The following ERBB4 variants were observed in gnomAD, a reference collection of about 807,000 sequenced individuals.
The protein encoded by ERBB4 is erb-b2 receptor tyrosine kinase 4.
ERBB4 carries 42 observed loss-of-function variants against 158.0 expected under a neutral mutation model. The ratio of observed to expected loss-of-function variants is 0.27; its 90% CI spans 0.21 to 0.34. ERBB4 has a LOEUF of 0.34. Ranked by LOEUF, ERBB4 falls within the 10% of genes least tolerant of loss-of-function variation. ERBB4 has a pLI of 1.00. For synonymous variants in ERBB4, 583 were observed against 558.7 expected, an observed-to-expected ratio of 1.04 and a Z score of -0.61; for missense variants, 1,333 against 1,624.1, an observed-to-expected ratio of 0.82 and a Z score of 3.08.
chr2:211,483,991 G>T (rs1464797560), intron 20 of ERBB4, among the ~76,000 whole-genome samples: 1 of 152,114 alleles, frequency 6.6e-6, no homozygotes, highest in Non-Finnish European at 1.5e-5. Flanking sequence ...CAAAGATAAA[G>T]GAAAGACTTT....
At chr2:211,453,128 C>T (rs752739229) in intron 20 of ERBB4, among the ~76,000 whole-genome samples, 26 of 152,102 alleles carry the variant, frequency 1.7e-4, no homozygotes, top group African/African-American at 4.3e-4. Flanking sequence ...GTTATATGTG[C>T]GTTTCATTCA....
At chr2:212,328,558 A>G (rs2087974140) in intron 1 of ERBB4, among the ~76,000 whole-genome samples, 1 of 152,044 alleles carries the variant, frequency 6.6e-6, no homozygotes, top group South Asian at 2.1e-4. Context: ...ATAGTTTATT[A>G]TAATAATCAC....
intron 1 of ERBB4, among the ~76,000 whole-genome samples, chr2:212,451,955 G>T (rs1032812392): frequency 1.3e-5 from 2 of 151,758 alleles, no homozygotes; most frequent in Non-Finnish European, 2.9e-5. Context: ...TAGAACAACA[G>T]AAGGATTGTC....
chr2:211,402,393 C>T (rs1351241290), intron 25 of ERBB4, among the ~76,000 whole-genome samples: 1 of 151,988 alleles, frequency 6.6e-6, no homozygotes, highest in Non-Finnish European at 1.5e-5. Context: ...TTTGATCATT[C>T]TTAGGACTGA....
At chr2:211,522,484 G>T (rs1348112524) in intron 20 of ERBB4, among the ~76,000 whole-genome samples, 1 of 152,118 alleles carries the variant, frequency 6.6e-6, no homozygotes, top group African/African-American at 2.4e-5. Context: ...CATGGTGAAG[G>T]CGTTGTGAAC....
chr2:212,259,459 T>A (rs902040320), intron 1 of ERBB4, among the ~76,000 whole-genome samples: 1 of 152,092 alleles, frequency 6.6e-6, no homozygotes, highest in Non-Finnish European at 1.5e-5. Context: ...AATTAATGAG[T>A]CAACCATGTG....
intron 2 of ERBB4, among the ~76,000 whole-genome samples, chr2:212,032,099 T>C (rs1000181908): frequency 6.6e-6 from 1 of 152,046 alleles, no homozygotes; most frequent in African/African-American, 2.4e-5. Context: ...TTAATGAAAG[T>C]GTACAATTTT....
intron 1 of ERBB4, among the ~76,000 whole-genome samples, chr2:212,319,232 C>A (rs1324948168): frequency 6.6e-6 from 1 of 150,964 alleles, no homozygotes; most frequent in African/African-American, 2.4e-5. Context: ...TAACAGTTTT[C>A]ATACATCACA....
chr2:212,071,322 A>G (rs903692378), intron 2 of ERBB4, among the ~76,000 whole-genome samples: 3 of 151,860 alleles, frequency 2.0e-5, no homozygotes, highest in Admixed American at 2.0e-4. Context: ...TGAAAAAAAA[A>G]AAACCCACTC....
At chr2:211,733,422 A>G (rs2074493083) in intron 5 of ERBB4, among the ~76,000 whole-genome samples, 1 of 152,204 alleles carries the variant, frequency 6.6e-6, no homozygotes, top group South Asian at 2.1e-4. Context: ...CAAGGCAATA[A>G]AGGAAGAGTA....
At chr2:212,071,439 A>T (rs891388054) in intron 2 of ERBB4, among the ~76,000 whole-genome samples, 1 of 151,958 alleles carries the variant, frequency 6.6e-6, no homozygotes, top group Non-Finnish European at 1.5e-5. Flanking sequence ...CTAATCAAAG[A>T]CATAATACAT....
intron 2 of ERBB4, among the ~76,000 whole-genome samples, chr2:212,049,514 G>C (rs1381289273): frequency 6.6e-6 from 1 of 152,074 alleles, no homozygotes; most frequent in Non-Finnish European, 1.5e-5. Flanking sequence ...TCTACAATGA[G>C]AATACCTAGG....
chr2:211,540,205 T>TATATATATAC (rs60602351), intron 20 of ERBB4, among the ~76,000 whole-genome samples: 4,214 of 147,740 alleles, frequency 0.029, 111 homozygotes, highest in African/African-American at 0.068. Context: ...TATATATATA[T>TATATATATAC]ACACACACAC....
chr2:211,424,135 A>G lies in ERBB4; in HGVS notation c.2866+20T>C. The G allele has an allele frequency of 6.2e-7, 1 of 1,607,736 alleles. No homozygotes were observed. Among genetic ancestry groups the G allele is most frequent in the Non-Finnish European group, 8.5e-7 (1 of 1,174,362 alleles). On this transcript the variant is annotated intron_variant, in intron 23 of 27. Coordinates refer to ENST00000342788, the MANE Select transcript of ERBB4 (RefSeq NM_005235.3). ...TTTACTAAGAATGATGATGGTGATA[A>G]CATTATTTTGCAGTCTTACATTTGA...
chr2:211,899,995 T>C (rs1247674310), intron 3 of ERBB4, among the ~76,000 whole-genome samples: 2 of 152,134 alleles, frequency 1.3e-5, no homozygotes, highest in Admixed American at 6.6e-5. Flanking sequence ...GCACCCCTCC[T>C]GTTAAAACTA....
At chr2:211,392,071 T>TTTA (rs1219580843) in intron 25 of ERBB4, among the ~76,000 whole-genome samples, 1 of 152,196 alleles carries the variant, frequency 6.6e-6, no homozygotes, top group East Asian at 1.9e-4. Context: ...TCAGCACTAA[T>TTTA]TTATTATCCA....
At chr2:212,059,883 C>A (rs1339001771) in intron 2 of ERBB4, among the ~76,000 whole-genome samples, 1 of 152,194 alleles carries the variant, frequency 6.6e-6, no homozygotes, top group Non-Finnish European at 1.5e-5. Flanking sequence ...CAGGCATGGG[C>A]AAGCACTTCA....
At chr2:211,987,069 C>A (rs2081956389) in intron 2 of ERBB4, among the ~76,000 whole-genome samples, 1 of 151,704 alleles carries the variant, frequency 6.6e-6, no homozygotes. Context: ...ACGTGTAATC[C>A]CAAAACTTTG....
intron 20 of ERBB4, among the ~76,000 whole-genome samples, chr2:211,472,939 T>G (rs2064865926): frequency 6.6e-6 from 1 of 151,384 alleles, no homozygotes; most frequent in Non-Finnish European, 1.5e-5. Flanking sequence ...TATTTATTAT[T>G]ATTATTTTGA....
Sources: allele counts gnomAD v4.1 joint callset (sites outside exome capture counted in the v4.1 genomes callset), GRCh38; gene constraint gnomAD v4.1.1; transcripts MANE v1.5; gene names NCBI Gene and HGNC (gene_info 2026-07-23, HGNC 2026-07-21).